The following URB2 variants were observed in gnomAD, a reference collection of about 807,000 sequenced individuals.
URB2 encodes the protein unhealthy ribosome biogenesis protein 2 homolog.
A neutral mutation model predicts 120.9 loss-of-function variants in URB2; 86 were observed. That is an observed-to-expected ratio of 0.71 (90% CI 0.60 to 0.85). URB2 has a LOEUF of 0.85. Among genes scored for constraint, URB2 ranks in the 40% least tolerant of loss-of-function variants. URB2 has a pLI of 0.00. For missense variants in URB2, 1,765 were observed against 1,836.5 expected, an observed-to-expected ratio of 0.96 and a Z score of 0.71; for synonymous variants, 755 against 758.4, an observed-to-expected ratio of 1.00 and a Z score of 0.07.
chr1:229,628,207 A>G (rs1384505028), intron 2 of URB2, among the ~76,000 whole-genome samples: 2 of 144,454 alleles, frequency 1.4e-5, no homozygotes, highest in East Asian at 3.9e-4. Flanking sequence ...ATGTATATAT[A>G]TTATACATAT....
At chr1:229,630,362 A>G (rs1665627778) in intron 2 of URB2, among the ~76,000 whole-genome samples, 1 of 152,240 alleles carries the variant, frequency 6.6e-6, no homozygotes, top group African/African-American at 2.4e-5. Context: ...AACAACATTC[A>G]TCTCCTTGTA....
At position 229,647,719 on chromosome 1, in the gene URB2, C is replaced by T. The variant is rs755941015; in HGVS notation, c.4116C>T (p.Asn1372=). 10 of 1,613,892 alleles carry T rather than the reference C, an allele frequency of 6.2e-6. No homozygotes were observed. The highest frequency in any genetic ancestry group is 2.7e-5 in the African/African-American group (2 of 74,938). The part of the protein sequence containing the change: ...EYGSVFPRLH[N]VLFSILQCHP... ...GAAGCGTCTTCCCGAGGCTGCACAA[C>T]GTGCTCTTCTCAATCCTGCAGTGTC... The change falls in exon 7 of 10, where the codon AAC becomes AAT. Residue 1372 remains asparagine, a synonymous_variant. Coordinates refer to ENST00000258243, the MANE Select transcript of URB2 (RefSeq NM_014777.4).
At position 229,636,523 on chromosome 1, in the gene URB2, T is replaced by C; in HGVS notation, c.1910T>C (p.Val637Ala). Residue 637 changes from valine (V) to alanine (A), a missense_variant, in exon 4 of 10, where the codon GTT (valine) becomes GCT (alanine). Physicochemically the swap from Val to Ala is moderately conservative, Grantham distance 64 (BLOSUM62 0). Coordinates refer to ENST00000258243, the MANE Select transcript of URB2 (RefSeq NM_014777.4). ...TCTATGTCTGGGCCCCTTATAGGTG[T>C]TGCTCTGGAGATCTCGAACCTCCCT... is the stretch of plus-strand genomic sequence containing the variant. Reference protein sequence around the residue: ...YHSMSGPLIGVALEISNLPSL... With the variant: ...YHSMSGPLIGAALEISNLPSL... 6.2e-7 allele frequency: 1 copy of C among 1,614,232 alleles called. No homozygotes were observed. Among genetic ancestry groups the C allele is most frequent in the Non-Finnish European group, 8.5e-7 (1 of 1,180,046 alleles).
intron 8 of URB2, among the ~76,000 whole-genome samples, chr1:229,651,731 G>C (rs768781372): frequency 6.6e-6 from 1 of 152,170 alleles, no homozygotes; most frequent in Non-Finnish European, 1.5e-5. Flanking sequence ...AGGTCCTGCC[G>C]CTCACTGTTC....
At chr1:229,648,494 G>A (rs1331622540) in intron 7 of URB2, among the ~76,000 whole-genome samples, 1 of 152,208 alleles carries the variant, frequency 6.6e-6, no homozygotes, top group African/African-American at 2.4e-5. Flanking sequence ...TTTATAGTAT[G>A]CTCCTTTTTA....
intron 5 of URB2, among the ~76,000 whole-genome samples, chr1:229,644,259 A>G (rs759325214): frequency 1.3e-5 from 2 of 152,270 alleles, no homozygotes; most frequent in Admixed American, 6.5e-5. Flanking sequence ...GCCACAGGCC[A>G]CAGAGCCAAT....
At position 229,638,112 on chromosome 1, in the gene URB2, G is replaced by C. The variant is rs750930595; in HGVS notation, c.3499G>C (p.Ala1167Pro). Residue 1167 changes from alanine to proline, a missense_variant, in exon 4 of 10, where the codon GCT becomes CCT. Coordinates refer to ENST00000258243, the MANE Select transcript of URB2 (RefSeq NM_014777.4). The part of the protein sequence containing the change: ...VYSQILLELP[A>P]LAGHDQSFQA... ...CTCTCAGATACTGTTGGAGTTGCCA[G>C]CTCTCGCGGGACATGATCAGTCTTT... The C allele has an allele frequency of 6.2e-6, 10 of 1,614,114 alleles. No homozygotes were observed. The East Asian group carries it at 1.1e-4, about 18-fold the overall frequency.
chr1:229,645,177 T>TG (rs1333858874), intron 5 of URB2, among the ~76,000 whole-genome samples: 1 of 151,606 alleles, frequency 6.6e-6, no homozygotes, highest in Non-Finnish European at 1.5e-5. Context: ...CCCAGCCACC[T>TG]GGGAGGCTGA....
chr1:229,637,715 A>C lies in URB2; in HGVS notation c.3102A>C (p.Lys1034Asn). Residue 1034 changes from lysine (K) to asparagine (N), a missense_variant, in exon 4 of 10, where the codon AAA (lysine) becomes AAC (asparagine). By Grantham distance (94) the Lys-to-Asn change is moderately conservative. Transcript: ENST00000258243. ...TCACCGCATTCCTCTCTAGTTCCAA[A>C]CCATACACGGAGGCAGCTTCAAGCA... ...RKITAFLSSS[K>N]PYTEAASSKQ... The C allele has an allele frequency of 6.2e-7, 1 of 1,614,218 alleles. No homozygotes were observed. The highest frequency in any genetic ancestry group is 8.5e-7 in the Non-Finnish European group (1 of 1,180,046).
Position 229,643,584 on chromosome 1 carries a change from C to G in URB2, c.3686C>G (p.Ala1229Gly). 6.2e-7 allele frequency: 1 copy of G among 1,614,178 alleles called. No individual in the cohort carries two copies. The highest frequency in any genetic ancestry group is 8.5e-7 in the Non-Finnish European group (1 of 1,180,032). Residue 1229 changes from alanine (A) to glycine (G), a missense_variant, in exon 5 of 10, where the codon GCC becomes GGC. Physicochemically the swap from Ala to Gly is moderately conservative, Grantham distance 60. Coordinates refer to ENST00000258243, the MANE Select transcript of URB2 (RefSeq NM_014777.4). ...CAGGATATTGAGCCTCATTTGGGAG[C>G]CTTGTTCACCCAAATGTTAGAGGTT... Reference protein sequence around the residue: ...VTQDIEPHLGALFTQMLEVGT... With the variant: ...VTQDIEPHLGGLFTQMLEVGT...
intron 3 of URB2, among the ~76,000 whole-genome samples, chr1:229,633,218 C>T (rs1462391850): frequency 6.6e-6 from 1 of 152,166 alleles, no homozygotes; most frequent in Non-Finnish European, 1.5e-5. Context: ...GGTTGAGCTG[C>T]CCAATGGCGC....
In URB2 at chr1:229,636,188, C is replaced by T; in HGVS notation, c.1575C>T (p.Val525=). The change falls in exon 4 of 10, where the codon GTC becomes GTT. Residue 525 remains valine, a synonymous_variant. Transcript: ENST00000258243. ...SLVLEKFQSL[V]LPYLQSDADM... is the part of the protein sequence containing the mutation. ...TGCTGGAGAAGTTCCAGTCTTTAGTCTTGCCCTATTTGCAGAGTGATGCCG... is the reference window on the plus strand; with the variant it reads ...TGCTGGAGAAGTTCCAGTCTTTAGTTTTGCCCTATTTGCAGAGTGATGCCG... 10 of 1,614,016 alleles carry T rather than the reference C, an allele frequency of 6.2e-6. No individual in the cohort carries two copies. Among genetic ancestry groups the T allele is most frequent in the Non-Finnish European group, 8.5e-6 (10 of 1,179,832 alleles).
In URB2 at chr1:229,659,372, GAA is replaced by G; in HGVS notation, c.*77_*78del. ...GCATGGTCTGAAAGAGCTGGAGAAT[GAA>G]AGACTTAAGATGTTCTAATTCGTAG... On this transcript the variant is annotated 3_prime_UTR_variant, in exon 10 of 10. Transcript: ENST00000258243. 1 of 1,484,510 alleles carries G rather than the reference GAA, an allele frequency of 6.7e-7. No individual in the cohort carries two copies. Among genetic ancestry groups the G allele is most frequent in the South Asian group, 1.2e-5 (1 of 83,482 alleles). 92.0% of individuals were successfully genotyped at this position (1,484,510 alleles called of 1,614,324 possible).
intron 1 of URB2, among the ~76,000 whole-genome samples, chr1:229,627,125 A>G (rs986020803): frequency 5.9e-5 from 9 of 152,196 alleles, no homozygotes; most frequent in Non-Finnish European, 1.2e-4. Context: ...AAATTTATAC[A>G]CGACTGAATA....
At chr1:229,647,487 C>G in intron 6 of URB2, 23 bp from the exon 7 acceptor site, 1 of 1,600,270 alleles carries the variant, frequency 6.2e-7, no homozygotes, top group East Asian at 2.2e-5. Flanking sequence ...TTCATTTTTC[C>G]TTTATTTTAT....
chr1:229,632,935 G>A (rs1174292959), intron 3 of URB2, among the ~76,000 whole-genome samples: 1 of 151,918 alleles, frequency 6.6e-6, no homozygotes, highest in Non-Finnish European at 1.5e-5. Flanking sequence ...CAGATCAGAA[G>A]TAGGAACTTC....
rs773049123 is a variant in URB2, at chr1:229,636,888, G to T, written c.2275G>T (p.Val759Leu). 1.2e-6 allele frequency: 2 copies of T among 1,611,270 alleles called. No individual in the cohort carries two copies. The highest frequency in any genetic ancestry group is 1.7e-5 in the Admixed American group (1 of 59,742). The change falls in exon 4 of 10, where the codon GTG (valine) becomes TTG (leucine). Residue 759 changes from valine (V) to leucine (L), a missense_variant. Physicochemically the swap from Val to Leu is conservative, Grantham distance 32. Transcript: ENST00000258243. ...ILISYLCPDD[V>L]GYLASVLLRT... is the part of the protein sequence containing the mutation. The stretch of plus-strand genomic sequence containing the variant: ...AATATCCTATCTGTGTCCAGATGAT[G>T]TGGGATACCTGGCCAGTGTCCTGCT...
Position 229,654,365 on chromosome 1 carries a change from C to A in URB2, c.4354C>A (p.Gln1452Lys). 1 of 1,614,152 alleles carries A rather than the reference C, an allele frequency of 6.2e-7. No homozygotes were observed. The highest frequency in any genetic ancestry group is 8.5e-7 in the Non-Finnish European group (1 of 1,180,024). ...FAVFSPFMVA[Q>K]YVLEVQKVTL... ...TGTGTTTTCCCCATTTATGGTGGCCCAGTACGTGTTGGAGGTACAGAAGGT... is the reference window on the plus strand; with the variant it reads ...TGTGTTTTCCCCATTTATGGTGGCCAAGTACGTGTTGGAGGTACAGAAGGT... Residue 1452 changes from glutamine (Q) to lysine (K), a missense_variant, in exon 9 of 10, where the codon CAG becomes AAG. Physicochemically the swap from Gln to Lys is moderately conservative, Grantham distance 53. Transcript: ENST00000258243.
chr1:229,646,538 G>A (rs1666149831), intron 6 of URB2, among the ~76,000 whole-genome samples: 1 of 152,146 alleles, frequency 6.6e-6, no homozygotes, highest in South Asian at 2.1e-4. Flanking sequence ...AAATGTTGTG[G>A]TTAGTTTAAT....
Sources: gnomAD v4.1 joint callset for allele counts (sites outside exome capture counted in the v4.1 genomes callset) on GRCh38, gnomAD v4.1.1 for gene constraint, MANE v1.5 for transcripts, NCBI Gene and HGNC (gene_info 2026-07-23, HGNC 2026-07-21) for gene names.